Variants in CDK19 observed in about 807,000 individuals in gnomAD.
CDK19 encodes the protein cyclin-dependent kinase 19.
A neutral mutation model predicts 68.3 loss-of-function variants in CDK19; 20 were observed. The observed-to-expected ratio is 0.29, with a 90% CI of 0.21 to 0.43. The LOEUF is 0.43. Ranked by LOEUF, CDK19 falls within the 20% of genes least tolerant of loss-of-function variation. The pLI is 1.00. For missense variants in CDK19, 339 were observed against 623.5 expected, an observed-to-expected ratio of 0.54 and a Z score of 4.86; for synonymous variants, 221 against 222.8, an observed-to-expected ratio of 0.99 and a Z score of 0.07.
chr6:110,679,223 C>T (rs1180371351), intron 2 of CDK19, among the ~76,000 whole-genome samples: 3 of 151,710 alleles, frequency 2.0e-5, no homozygotes, highest in Non-Finnish European at 4.4e-5. Context: ...GGCTGAGGTA[C>T]GAGGACTGCT....
chr6:110,692,042 T>A (rs1415631827), intron 2 of CDK19, among the ~76,000 whole-genome samples: 2 of 151,328 alleles, frequency 1.3e-5, no homozygotes, highest in Non-Finnish European at 2.9e-5. Flanking sequence ...ATGCCTGTAA[T>A]CCCAGCACTT....
intron 4 of CDK19, among the ~76,000 whole-genome samples, chr6:110,642,186 A>G (rs1780237099): frequency 6.6e-6 from 1 of 152,118 alleles, no homozygotes; most frequent in Admixed American, 6.5e-5. Flanking sequence ...CTGTAATCTC[A>G]GCTACTCAGG....
chr6:110,618,832 G>A (rs1483602318), intron 12 of CDK19, among the ~76,000 whole-genome samples: 8 of 152,020 alleles, frequency 5.3e-5, no homozygotes, highest in Non-Finnish European at 1.2e-4. Flanking sequence ...CCCTCCCTCT[G>A]CTATGCTGTC....
At chr6:110,784,629 C>T (rs1226052620) in intron 1 of CDK19, among the ~76,000 whole-genome samples, 2 of 152,090 alleles carry the variant, frequency 1.3e-5, no homozygotes, top group East Asian at 3.8e-4. Context: ...CAATTCCACT[C>T]CTAGATATAT....
At chr6:110,787,318 G>A (rs1413992422) in intron 1 of CDK19, among the ~76,000 whole-genome samples, 2 of 152,176 alleles carry the variant, frequency 1.3e-5, no homozygotes, top group African/African-American at 4.8e-5. Flanking sequence ...AGTTTGCAGT[G>A]AGTGGAGATT....
At chr6:110,669,709 T>C (rs1221261827) in intron 3 of CDK19, among the ~76,000 whole-genome samples, 1 of 152,222 alleles carries the variant, frequency 6.6e-6, no homozygotes, top group African/African-American at 2.4e-5. Context: ...TTGTTACTTT[T>C]AGCAGTTCCT....
intron 2 of CDK19, among the ~76,000 whole-genome samples, chr6:110,688,388 A>C (rs1772678916): frequency 6.6e-6 from 1 of 152,098 alleles, no homozygotes; most frequent in Non-Finnish European, 1.5e-5. Flanking sequence ...AAGATGGCAG[A>C]TTGGAGGCAG....
chr6:110,658,829 G>GA (rs369605327), intron 4 of CDK19, among the ~76,000 whole-genome samples: 56 of 152,256 alleles, frequency 3.7e-4, no homozygotes, highest in African/African-American at 1.2e-3. Context: ...AGAGGTTAAA[G>GA]AAAGGGCATC....
intron 1 of CDK19, among the ~76,000 whole-genome samples, chr6:110,782,738 T>C (rs1780910590): frequency 6.6e-6 from 1 of 152,188 alleles, no homozygotes; most frequent in Non-Finnish European, 1.5e-5. Flanking sequence ...TTGGAATCTA[T>C]TACTCCCTTT....
intron 2 of CDK19, among the ~76,000 whole-genome samples, chr6:110,683,701 CTT>C (rs200335188): frequency 3.0e-4 from 38 of 127,336 alleles, no homozygotes; most frequent in African/African-American, 2.9e-4. Flanking sequence ...AGTATTTAAT[CTT>C]TTTTTTTTTT....
At chr6:110,799,074 T>C (rs1043695765) in intron 1 of CDK19, among the ~76,000 whole-genome samples, 4 of 144,828 alleles carry the variant, frequency 2.8e-5, no homozygotes, top group Admixed American at 1.4e-4. Context: ...AGCCAGGAGG[T>C]TGAGGTTGCA....
Position 110,678,145 on chromosome 6 carries a change from C to T in CDK19, c.205-7604G>A, listed in dbSNP as rs188689131. ...TTCCAGGTGTGAGCCACCACACTAGCCCAGAAAGACATTTTAAAATTTATT... is the reference window on the plus strand; with the variant it reads ...TTCCAGGTGTGAGCCACCACACTAGTCCAGAAAGACATTTTAAAATTTATT... On this transcript the variant is annotated intron_variant, in intron 2 of 12. Transcript: ENST00000368911. Among the ~76,000 whole-genome samples the T allele has an allele frequency of 6.2e-4, 94 of 152,124 alleles. 1 individual carries two copies. The highest frequency in any genetic ancestry group is 2.3e-3 in the Admixed American group (35 of 15,248).
At chr6:110,618,773 C>T (rs1224525117) in intron 12 of CDK19, among the ~76,000 whole-genome samples, 1 of 151,986 alleles carries the variant, frequency 6.6e-6, no homozygotes, top group Non-Finnish European at 1.5e-5. Context: ...AGCTCCCTCC[C>T]GCAAGACCCT....
At chr6:110,708,919 G>A (rs2114679206) in intron 2 of CDK19, among the ~76,000 whole-genome samples, 2 of 152,232 alleles carry the variant, frequency 1.3e-5, no homozygotes, top group Middle Eastern at 6.8e-3. Context: ...TAAGCACCTA[G>A]AAAAGGTTTG....
intron 2 of CDK19, among the ~76,000 whole-genome samples, chr6:110,684,989 A>G (rs1562195366): frequency 6.6e-6 from 1 of 152,062 alleles, no homozygotes; most frequent in Non-Finnish European, 1.5e-5. Flanking sequence ...AAATACAAAA[A>G]TTACCAGGCA....
intron 2 of CDK19, among the ~76,000 whole-genome samples, chr6:110,707,261 G>A (rs905293389): frequency 3.9e-5 from 6 of 152,016 alleles, no homozygotes; most frequent in African/African-American, 1.4e-4. Flanking sequence ...ACTGGAACCC[G>A]GAAGGCAGAG....
At chr6:110,748,935 TATG>T (rs145565194) in intron 1 of CDK19, among the ~76,000 whole-genome samples, 1,886 of 152,384 alleles carry the variant, frequency 0.012, 35 homozygotes, top group African/African-American at 0.043. Context: ...CCTACACTGC[TATG>T]ATAATCCAGC....
intron 2 of CDK19, among the ~76,000 whole-genome samples, chr6:110,719,923 G>A (rs894152387): frequency 9.6e-4 from 142 of 148,608 alleles, no homozygotes; most frequent in Non-Finnish European, 1.7e-3. Flanking sequence ...TAGAGACGGC[G>A]TTTCACCATG....
chr6:110,623,922 T>C (rs1180290561), intron 8 of CDK19, among the ~76,000 whole-genome samples: 2 of 147,458 alleles, frequency 1.4e-5, no homozygotes, highest in African/African-American at 2.5e-5. Context: ...TATATATATA[T>C]ACGTGTATAT....
Sources: allele counts gnomAD v4.1 joint callset (sites outside exome capture counted in the v4.1 genomes callset), GRCh38; gene constraint gnomAD v4.1.1; transcripts MANE v1.5; gene names NCBI Gene and HGNC (gene_info 2026-07-23, HGNC 2026-07-21).